NEXMIF: variants seen among roughly 807,000 people sequenced by gnomAD.
NEXMIF encodes XLMR protein related to neurite extension.
NEXMIF carries 8 observed loss-of-function variants against 62.1 expected under a neutral mutation model. The ratio of observed to expected loss-of-function variants is 0.13; its 90% CI spans 0.08 to 0.23. The LOEUF is 0.23. Ranked by LOEUF, NEXMIF falls within the 10% of genes least tolerant of loss-of-function variation. The probability of loss-of-function intolerance (pLI) is 1.00; values close to 1 mark genes in which losing one functional copy is unlikely to be tolerated. For synonymous variants in NEXMIF, 404 were observed against 416.6 expected, an observed-to-expected ratio of 0.97 and a Z score of 0.37; for missense variants, 976 against 1,113.3, an observed-to-expected ratio of 0.88 and a Z score of 1.75.
intron 1 of NEXMIF, among the ~76,000 whole-genome samples, chrX:74,839,357 C>T (rs1356148985): frequency 8.9e-6 from 1 of 111,983 alleles, no homozygotes; most frequent in Non-Finnish European, 1.9e-5. Flanking sequence ...TAGGTGGTAT[C>T]ACTAGAAGAG....
chrX:74,874,900 C>G (rs370359003), intron 1 of NEXMIF, among the ~76,000 whole-genome samples: 1 of 108,284 alleles, frequency 9.2e-6, no homozygotes, highest in Non-Finnish European at 1.9e-5. Flanking sequence ...TGGGCTGAGA[C>G]GATGGGGTTT....
intron 3 of NEXMIF, chrX:74,739,896 T>C: frequency 2.4e-6 from 1 of 411,482 alleles, no homozygotes; most frequent in East Asian, 3.8e-5. Flanking sequence ...CACAACAAAA[T>C]TGCCCAATCT....
chrX:74,771,639 T>C (rs2080210654), intron 1 of NEXMIF, among the ~76,000 whole-genome samples: 1 of 111,057 alleles, frequency 9.0e-6, no homozygotes, highest in African/African-American at 3.3e-5. Context: ...TAATCAGTAT[T>C]GAATGAAATC....
intron 1 of NEXMIF, among the ~76,000 whole-genome samples, chrX:74,780,229 T>C (rs1569341802): frequency 1.8e-5 from 2 of 111,710 alleles, no homozygotes; most frequent in Non-Finnish European, 3.8e-5. Context: ...AGTGTTCAGA[T>C]GAACTGAACC....
At chrX:74,846,269 T>C (rs2080491641) in intron 1 of NEXMIF, among the ~76,000 whole-genome samples, 1 of 112,209 alleles carries the variant, frequency 8.9e-6, no homozygotes, top group African/African-American at 3.2e-5. Context: ...CACCTATCAC[T>C]GTACTGGACT....
intron 1 of NEXMIF, among the ~76,000 whole-genome samples, chrX:74,903,732 C>G (rs1385075990): frequency 3.6e-5 from 4 of 111,770 alleles, no homozygotes; most frequent in Admixed American, 2.9e-4. Flanking sequence ...AGGTTAATCT[C>G]TCATTGCTTC....
intron 1 of NEXMIF, chrX:74,769,854 ACTGTATGTACCACC>A: frequency 5.5e-6 from 2 of 363,964 alleles, no homozygotes; most frequent in Non-Finnish European, 4.8e-6. Flanking sequence ...ATCAAGATAC[ACTGTATGTACCACC>A]CTAAGATAGT....
Position 74,742,312 on chromosome X carries a change from G to A in NEXMIF, c.2245C>T (p.Leu749Phe). The change falls in exon 3 of 4, where the codon CTC (leucine) becomes TTC (phenylalanine). Residue 749 changes from leucine to phenylalanine, a missense_variant. By Grantham distance (22) the Leu-to-Phe change is conservative (BLOSUM62 0). Coordinates refer to ENST00000055682, the MANE Select transcript of NEXMIF (RefSeq NM_001008537.3). ...GCCTTTGAGGATTGGTTTTCCAAGA[G>A]AGGGCTCATTTGAACAATTGGCTTG... The part of the protein sequence containing the change: ...ESKPIVQMSP[L>F]LENQSSKANL... 1 of 1,211,593 alleles carries A rather than the reference G, an allele frequency of 8.3e-7. No individual in the cohort carries two copies. Among genetic ancestry groups the A allele is most frequent in the South Asian group, 1.8e-5 (1 of 56,984 alleles).
intron 1 of NEXMIF, among the ~76,000 whole-genome samples, chrX:74,825,238 AACTTTT>A (rs1006314337): frequency 4.5e-5 from 5 of 111,639 alleles, no homozygotes; most frequent in East Asian, 2.8e-4. Flanking sequence ...CATTTAAAAA[AACTTTT>A]ACTTTAAGTT....
intron 1 of NEXMIF, among the ~76,000 whole-genome samples, chrX:74,893,739 G>C (rs1471497866): frequency 8.9e-6 from 1 of 112,000 alleles, no homozygotes; most frequent in African/African-American, 3.2e-5. Flanking sequence ...GGAATCATAA[G>C]ACGCTTTGCA....
chrX:74,760,405 T>C (rs993076089), intron 1 of NEXMIF, among the ~76,000 whole-genome samples: 7 of 111,812 alleles, frequency 6.3e-5, no homozygotes, highest in Admixed American at 1.9e-4. Context: ...CTGATTACTC[T>C]GGCCAGAACT....
chrX:74,872,854 T>A (rs1040812250), intron 1 of NEXMIF, among the ~76,000 whole-genome samples: 1 of 110,156 alleles, frequency 9.1e-6, no homozygotes, highest in African/African-American at 3.3e-5. Context: ...AAAAATATTA[T>A]AATGGAGTAG....
rs761548403 is a variant in NEXMIF, at chrX:74,886,387, T to C, written c.-48+38496A>G. 9.8e-5 allele frequency among the ~76,000 whole-genome samples: 11 copies of C among 111,817 alleles called. No individual in the cohort carries two copies. The East Asian group carries it at 3.1e-3, about 31-fold the overall frequency. ...CCTGTTTGCAGATGACATGATTGCA[T>C]ATCTGGAAAACCCCATCGTCTCAGC... On this transcript the variant is annotated intron_variant, in intron 1 of 3. Coordinates refer to ENST00000055682, the MANE Select transcript of NEXMIF (RefSeq NM_001008537.3).
At chrX:74,924,151 C>T (rs868145778) in intron 1 of NEXMIF, among the ~76,000 whole-genome samples, 17 of 111,701 alleles carry the variant, frequency 1.5e-4, no homozygotes, top group African/African-American at 4.2e-4. Flanking sequence ...CCGCTCCCCG[C>T]GCCGGCTCAC....
intron 1 of NEXMIF, among the ~76,000 whole-genome samples, chrX:74,865,940 C>T (rs1336418512): frequency 1.8e-5 from 2 of 111,454 alleles, no homozygotes; most frequent in Non-Finnish European, 3.8e-5. Context: ...TCATGGAGAA[C>T]CTCTGCTAGA....
rs150240731 is a variant in NEXMIF, at chrX:74,861,923, A to T, written c.-48+62960T>A. The stretch of plus-strand genomic sequence containing the variant: ...ATTACAAAGACCAATGACACTATGA[A>T]GCAACTACATCAACAAGTCTGCAAA... On this transcript the variant is annotated intron_variant, in intron 1 of 3. Transcript: ENST00000055682. Among the ~76,000 whole-genome samples the T allele has an allele frequency of 1.5e-4, 17 of 111,977 alleles. No individual in the cohort carries two copies. The East Asian group carries it at 3.9e-3, about 26-fold the overall frequency.
intron 1 of NEXMIF, among the ~76,000 whole-genome samples, chrX:74,883,367 G>A (rs990782549): frequency 4.5e-5 from 5 of 110,964 alleles, no homozygotes; most frequent in African/African-American, 1.3e-4. Context: ...AAGGAAGTTC[G>A]AACCAATGGC....
intron 1 of NEXMIF, among the ~76,000 whole-genome samples, chrX:74,755,207 C>T (rs2080155932): frequency 1.8e-5 from 2 of 112,408 alleles, no homozygotes; most frequent in Non-Finnish European, 3.8e-5. Context: ...AAACAGCTTG[C>T]TGGAAGGCTG....
At chrX:74,884,040 C>G (rs1247162353) in intron 1 of NEXMIF, among the ~76,000 whole-genome samples, 11 of 111,770 alleles carry the variant, frequency 9.8e-5, no homozygotes, top group Non-Finnish European at 1.9e-4. Flanking sequence ...CATATCCAGC[C>G]AAACTAAGCT....
Sources: allele counts gnomAD v4.1 joint callset (sites outside exome capture counted in the v4.1 genomes callset), GRCh38; gene constraint gnomAD v4.1.1; transcripts MANE v1.5; gene names NCBI Gene and HGNC (gene_info 2026-07-23, HGNC 2026-07-21).